Variants in SORCS2 observed in about 807,000 individuals in gnomAD.
SORCS2 encodes sortilin related VPS10 domain containing receptor 2.
A neutral mutation model predicts 141.6 loss-of-function variants in SORCS2; 100 were observed. The observed-to-expected ratio is 0.71, with a 90% CI of 0.60 to 0.83. SORCS2 has a LOEUF of 0.83. SORCS2 is among the 40% of genes least tolerant of loss of function. The probability of loss-of-function intolerance (pLI) is 0.00; values close to 1 mark genes in which losing one functional copy is unlikely to be tolerated. For synonymous variants in SORCS2, 789 were observed against 676.9 expected (o/e 1.17, Z -2.57); for missense variants, 1,646 against 1,560.2 (o/e 1.05, Z -0.93).
At chr4:7,403,991 ATATATATTT>A (rs1237323433) in intron 2 of SORCS2, among the ~76,000 whole-genome samples, 78 of 5,050 alleles carry the variant, frequency 0.015, no homozygotes, top group African/African-American at 0.037. Context: ...ATATATATAT[ATATATATTT>A]TTTTTTTTTT....
At chr4:7,576,796 G>A (rs771788130) in intron 3 of SORCS2, among the ~76,000 whole-genome samples, 16 of 152,338 alleles carry the variant, frequency 1.1e-4, no homozygotes, top group Non-Finnish European at 2.2e-4. Context: ...GGCCACAGGG[G>A]CCAGACAGGT....
chr4:7,608,230 A>G (rs772616622), intron 3 of SORCS2, among the ~76,000 whole-genome samples: 5 of 152,136 alleles, frequency 3.3e-5, no homozygotes, highest in Non-Finnish European at 5.9e-5. Context: ...CACCTAGCAG[A>G]TGGCAGTGGG....
intron 2 of SORCS2, among the ~76,000 whole-genome samples, chr4:7,408,107 G>A (rs914074241): frequency 6.6e-6 from 1 of 152,090 alleles, no homozygotes; most frequent in African/African-American, 2.4e-5. Flanking sequence ...AGTGGATTGT[G>A]TATCACAATT....
chr4:7,243,123 A>C (rs374493871), intron 1 of SORCS2, among the ~76,000 whole-genome samples: 4 of 152,068 alleles, frequency 2.6e-5, no homozygotes, highest in Non-Finnish European at 4.4e-5. Context: ...GAGGGATCTG[A>C]GTTCCCCCTC....
chr4:7,447,796 C>T (rs547007120), intron 2 of SORCS2, among the ~76,000 whole-genome samples: 39 of 152,268 alleles, frequency 2.6e-4, no homozygotes, highest in African/African-American at 6.3e-4. Flanking sequence ...CAGGATGGAA[C>T]GGAGCCTGTG....
chr4:7,455,941 C>G (rs996370492), intron 2 of SORCS2, among the ~76,000 whole-genome samples: 1 of 152,164 alleles, frequency 6.6e-6, no homozygotes, highest in African/African-American at 2.4e-5. Flanking sequence ...AAACAAAATA[C>G]CTGGGACTAG....
At chr4:7,615,715 T>A (rs1426150090) in intron 3 of SORCS2, among the ~76,000 whole-genome samples, 2 of 152,162 alleles carry the variant, frequency 1.3e-5, no homozygotes, top group African/African-American at 4.8e-5. Context: ...GGGGACTAGG[T>A]GGCTCCTCTG....
At chr4:7,548,277 T>G (rs2109620597) in intron 3 of SORCS2, among the ~76,000 whole-genome samples, 1 of 152,252 alleles carries the variant, frequency 6.6e-6, no homozygotes, top group African/African-American at 2.4e-5. Context: ...ATTTTACAGG[T>G]GAGGAGTCTC....
intron 25 of SORCS2, among the ~76,000 whole-genome samples, chr4:7,736,718 G>T (rs1577140136): frequency 6.6e-6 from 1 of 152,318 alleles, no homozygotes; most frequent in South Asian, 2.1e-4. Flanking sequence ...CCAGTGGCAG[G>T]GTGGCCAGGC....
chr4:7,269,646 G>A (rs3857192), intron 1 of SORCS2, among the ~76,000 whole-genome samples: 8,314 of 152,252 alleles, frequency 0.055, 730 homozygotes, highest in African/African-American at 0.19. Flanking sequence ...AGGTATGCCA[G>A]TGATGGCTGG....
rs199942882 is a variant in SORCS2 at position 7,726,813 on chromosome 4, C to A, written c.2779C>A (p.Arg927=). 8.1e-6 allele frequency: 13 copies of A among 1,613,716 alleles called. No individual in the cohort carries two copies. Among genetic ancestry groups the A allele is most frequent in the African/African-American group, 1.3e-5 (1 of 74,922 alleles). ...LLSLDNSVTT[R]FSDTGDVRVT... The stretch of plus-strand genomic sequence containing the variant: ...TTCCCTGGATAATTCTGTGACAACG[C>A]GGTTTTCGGACACGGGCGACGTGCG... Residue 927 remains arginine, a synonymous_variant, in exon 21 of 27, where the codon CGG becomes AGG. Coordinates refer to ENST00000507866, the MANE Select transcript of SORCS2 (RefSeq NM_020777.3).
chr4:7,339,719 G>T (rs561533815), intron 1 of SORCS2, among the ~76,000 whole-genome samples: 1 of 152,192 alleles, frequency 6.6e-6, no homozygotes, highest in African/African-American at 2.4e-5. Context: ...AGGTCCTGGG[G>T]GTTAGGACTT....
At position 7,699,723 on chromosome 4, in the gene SORCS2, C is replaced by G. The variant is rs1415467397; in HGVS notation, c.1668+2449C>G. Among the ~76,000 whole-genome samples the G allele has an allele frequency of 2.6e-5, 4 of 152,324 alleles. No individual in the cohort carries two copies. The East Asian group carries it at 5.8e-4, about 22-fold the overall frequency. On this transcript the variant is annotated intron_variant, in intron 12 of 26. Coordinates refer to ENST00000507866, the MANE Select transcript of SORCS2 (RefSeq NM_020777.3). ...ATCCACGAGGCCCCTCTCCTCCAGC[C>G]TCACAGGACCCAGCGTGGTCTCCGC...
chr4:7,324,990 T>C (rs1470327979), intron 1 of SORCS2, among the ~76,000 whole-genome samples: 2 of 152,038 alleles, frequency 1.3e-5, no homozygotes, highest in Non-Finnish European at 2.9e-5. Flanking sequence ...TCTCTCAACC[T>C]CTCCGTGAGA....
At chr4:7,704,915 G>C (rs1341522164) in intron 14 of SORCS2, among the ~76,000 whole-genome samples, 1 of 152,192 alleles carries the variant, frequency 6.6e-6, no homozygotes, top group Non-Finnish European at 1.5e-5. Flanking sequence ...CGAGGCCTGT[G>C]TGTCTAACGG....
At chr4:7,347,885 C>T (rs954031925) in intron 1 of SORCS2, among the ~76,000 whole-genome samples, 2 of 152,202 alleles carry the variant, frequency 1.3e-5, no homozygotes, top group African/African-American at 4.8e-5. Context: ...TGAGATTACA[C>T]ATGATGTAAA....
intron 3 of SORCS2, among the ~76,000 whole-genome samples, chr4:7,627,494 G>A (rs1577861187): frequency 2.6e-5 from 4 of 152,290 alleles, no homozygotes; most frequent in South Asian, 2.1e-4. Flanking sequence ...GCCCTCGTCC[G>A]CCTAGTTGAG....
chr4:7,675,227 G>A (rs753066595), intron 8 of SORCS2, among the ~76,000 whole-genome samples: 1 of 152,228 alleles, frequency 6.6e-6, no homozygotes, highest in African/African-American at 2.4e-5. Context: ...CCGAAGCGCT[G>A]AGCCCACTCC....
At position 7,717,768 on chromosome 4, in the gene SORCS2, C is replaced by T. The variant is rs78739302; in HGVS notation, c.2253-244C>T. On this transcript the variant is annotated intron_variant, in intron 17 of 26. Coordinates refer to ENST00000507866, the MANE Select transcript of SORCS2 (RefSeq NM_020777.3). Reference sequence around the variant, plus strand: ...GATCAGACCACGGAGATGCCAGCGCCTCCGAAGCACATCCTGCCACCATCA... The same window carrying T: ...GATCAGACCACGGAGATGCCAGCGCTTCCGAAGCACATCCTGCCACCATCA... 2.4e-3 allele frequency among the ~76,000 whole-genome samples: 372 copies of T among 152,354 alleles called. 2 individuals carry two copies. The highest frequency in any genetic ancestry group is 0.017 in the Admixed American group (265 of 15,314).
Sources: allele counts gnomAD v4.1 joint callset (sites outside exome capture counted in the v4.1 genomes callset), GRCh38; gene constraint gnomAD v4.1.1; transcripts MANE v1.5; gene names NCBI Gene and HGNC (gene_info 2026-07-23, HGNC 2026-07-21).